TSBP1: variants seen among roughly 807,000 people sequenced by gnomAD.
TSBP1 encodes testis expressed basic protein 1.
In TSBP1, 56 loss-of-function variants were observed where a neutral mutation model predicts 68.8. The observed-to-expected ratio is 0.81, with a 90% CI of 0.66 to 1.02. TSBP1 has a LOEUF of 1.02. Ranked by LOEUF, TSBP1 falls within the 50% of genes least tolerant of loss-of-function variation. The probability of loss-of-function intolerance (pLI) is 0.00; values close to 1 mark genes in which losing one functional copy is unlikely to be tolerated. For missense variants in TSBP1, 502 were observed against 641.2 expected (o/e 0.78, Z 2.34); for synonymous variants, 171 against 208.7 (o/e 0.82, Z 1.56).
intron 10 of TSBP1, 72 bp downstream of exon 11, chr6:32,339,528 G>T: frequency 1.2e-6 from 1 of 826,838 alleles, no homozygotes; most frequent in Non-Finnish European, 2.1e-6. Context: ...AATATCACAT[G>T]TATCCCATAA....
exon 1 of TSBP1, chr6:32,371,855 A>G (rs1264805611): frequency 3.8e-6 from 3 of 798,960 alleles, no homozygotes; most frequent in Non-Finnish European, 6.4e-6. Flanking sequence ...GATGCAGAGG[A>G]TCACTGAGAA....
chr6:32,336,573 A>C lies in TSBP1; in HGVS notation c.430+42T>G. ...CAGGCCCCAAGACCTTGTAGGTCAG[A>C]TATCAAAGGGACCAGAGTGGAAAAA... On this transcript the variant is annotated intron_variant, in intron 12 of 22. Coordinates refer to ENST00000612031, the Ensembl canonical transcript of TSBP1. The surrounding 1 kb of genome is among the most constrained non-coding windows in gnomAD (Gnocchi z 5.2). 6.4e-7 allele frequency: 1 copy of C among 1,559,110 alleles called. No homozygotes were observed. The highest frequency in any genetic ancestry group is 8.8e-7 in the Non-Finnish European group (1 of 1,131,002).
At chr6:32,323,540 G>T in intron 17 of TSBP1, 51 bp downstream of exon 18, 1 of 1,573,184 alleles carries the variant, frequency 6.4e-7, no homozygotes, top group Non-Finnish European at 8.7e-7. Flanking sequence ...AGCCTTGCAG[G>T]GAACAACAAG....
chr6:32,333,280 G>C lies in TSBP1; in HGVS notation c.473-1226C>G, dbSNP rs1350105966. ...TGGTCTTAGCCTCCCAAAGTGCTGG[G>C]ATTACTGCACCCAGCCGAAAGCCTG... On this transcript the variant is annotated intron_variant, in intron 14 of 22. Transcript: ENST00000612031. The surrounding 1 kb of genome is among the most constrained non-coding windows in gnomAD (Gnocchi z 4.2). 6.6e-6 allele frequency among the ~76,000 whole-genome samples: 1 copy of C among 152,070 alleles called. No homozygotes were observed. Among genetic ancestry groups the C allele is most frequent in the Non-Finnish European group, 1.5e-5 (1 of 67,998 alleles).
chr6:32,362,765 T>C (rs554840557), intron 6 of TSBP1, among the ~76,000 whole-genome samples: 2 of 152,344 alleles, frequency 1.3e-5, no homozygotes, highest in East Asian at 3.9e-4. Flanking sequence ...AGTTTTATAG[T>C]GGCAAGTCTT....
chr6:32,315,880 AG>A lies in TSBP1; in HGVS notation c.560-89del. On this transcript the variant is annotated intron_variant, in intron 18 of 22. Transcript: ENST00000612031. This position sits in a 1 kb window ranked among gnomAD's most constrained non-coding sequence, Gnocchi z 5.4. The stretch of plus-strand genomic sequence containing the variant: ...CTAACATATTTTGTTGGAGTCTGTG[AG>A]GGGAGGACTTGTGTGGGCAAAGAAG... 1 of 825,046 alleles carries A rather than the reference AG, an allele frequency of 1.2e-6. No individual in the cohort carries two copies. Among genetic ancestry groups the A allele is most frequent in the South Asian group, 1.8e-5 (1 of 56,554 alleles). 51.1% of individuals were successfully genotyped at this position (825,046 alleles called of 1,614,324 possible).
intron 18 of TSBP1, chr6:32,320,244 G>T (rs755560895): frequency 6.6e-6 from 3 of 456,372 alleles, no homozygotes; most frequent in Non-Finnish European, 1.3e-5. Context: ...CAGCTGTTTT[G>T]ACTTGGAATA....
At chr6:32,293,515 A>T in exon 23 of TSBP1, 1 of 1,611,360 alleles carries the variant, frequency 6.2e-7, no homozygotes, top group Non-Finnish European at 8.5e-7. Context: ...CACCAGACTG[A>T]CTCTTCTTTA....
exon 3 of TSBP1, chr6:32,368,811 A>G: frequency 6.3e-7 from 1 of 1,588,220 alleles, no homozygotes. Flanking sequence ...GGAGATATAC[A>G]TTTCTGTGGA....
chr6:32,294,189 C>T (rs1225982645), intron 22 of TSBP1, 154 bp from the exon 26 acceptor site: 1 of 796,582 alleles, frequency 1.3e-6, no homozygotes, highest in African/African-American at 1.7e-5. Flanking sequence ...GTTCTCTGTA[C>T]ATAAAATTAT....
At chr6:32,347,222 G>A (rs910089511) in intron 9 of TSBP1, among the ~76,000 whole-genome samples, 1 of 150,136 alleles carries the variant, frequency 6.7e-6, no homozygotes, top group Non-Finnish European at 1.5e-5. Context: ...GGAGTGCAGT[G>A]GCGTAATCAC....
intron 1 of TSBP1, 80 bp from the exon 2 acceptor site, chr6:32,370,063 A>G: frequency 3.6e-6 from 3 of 832,204 alleles, no homozygotes; most frequent in East Asian, 2.5e-5. Context: ...ACCTCTTACT[A>G]TCCACCAGAT....
Position 32,315,034 on chromosome 6 carries a change from G to C in TSBP1, c.580+738C>G, listed in dbSNP as rs1032067533. Among the ~76,000 whole-genome samples, 1 of 152,038 alleles carries C rather than the reference G, an allele frequency of 6.6e-6. No homozygotes were observed. On this transcript the variant is annotated intron_variant, in intron 19 of 22. Coordinates refer to ENST00000612031, the Ensembl canonical transcript of TSBP1. The surrounding 1 kb of genome is among the most constrained non-coding windows in gnomAD (Gnocchi z 5.4). ...GTTTTTAACCTTGACAGGAACTTTG[G>C]GTTTTAATATTAATGTGATTTAATT...
chr6:32,355,231 C>T, intron 7 of TSBP1, 87 bp from the exon 8 acceptor site: 1 of 1,370,136 alleles, frequency 7.3e-7, no homozygotes, highest in South Asian at 1.2e-5. Context: ...GCTGTCACCC[C>T]CTTCTCAGGA....
intron 9 of TSBP1, among the ~76,000 whole-genome samples, chr6:32,347,666 T>C (rs1418010939): frequency 1.6e-5 from 2 of 128,292 alleles, no homozygotes; most frequent in Non-Finnish European, 3.5e-5. Flanking sequence ...ATGAAAACAA[T>C]GGCTTATTGT....
chr6:32,326,265 C>T, intron 16 of TSBP1: 1 of 822,054 alleles, frequency 1.2e-6, no homozygotes, highest in Non-Finnish European at 2.0e-6. Context: ...CTCAGCCAAG[C>T]ACAGTGGTGG....
chr6:32,312,132 C>G (rs571653155), intron 19 of TSBP1, among the ~76,000 whole-genome samples: 1 of 152,202 alleles, frequency 6.6e-6, no homozygotes, highest in African/African-American at 2.4e-5. Context: ...TAGGCATGGT[C>G]GAGTTCTTGT....
In TSBP1 at chr6:32,343,916, G is replaced by T. The variant is rs377040282; in HGVS notation, c.350-4278C>A. On this transcript the variant is annotated intron_variant, in intron 9 of 22. Transcript: ENST00000612031. This position sits in a 1 kb window ranked among gnomAD's most constrained non-coding sequence, Gnocchi z 4.3. ...AATTCTAGGGCAAGACTTGTAGAAG[G>T]TTTAATGATATTAACTTTGATAGTA... Among the ~76,000 whole-genome samples the T allele has an allele frequency of 4.1e-4, 63 of 152,048 alleles. No homozygotes were observed. Among genetic ancestry groups the T allele is most frequent in the Middle Eastern group, 6.8e-3 (2 of 294 alleles).
At position 32,335,583 on chromosome 6, in the gene TSBP1, C is replaced by A; in HGVS notation, c.452-126G>T. On this transcript the variant is annotated intron_variant, in intron 13 of 22. Transcript: ENST00000612031. This position sits in a 1 kb window ranked among gnomAD's most constrained non-coding sequence, Gnocchi z 5.5. ...GCATCACTATTGTCAAGTTCAGCTG[C>A]AGTTGAGTAGTAGAAATGGTGACTT... 1.3e-6 allele frequency: 1 copy of A among 790,730 alleles called. No homozygotes were observed. Among genetic ancestry groups the A allele is most frequent in the Non-Finnish European group, 1.8e-6 (1 of 569,702 alleles). The allele number at this position is 790,730 out of a possible 1,614,324, so 49.0% of individuals were successfully genotyped here. A position where few individuals can be genotyped will look rare whatever the true frequency, so the allele number is the denominator to read the frequency against.
Sources: allele counts gnomAD v4.1 joint callset (sites outside exome capture counted in the v4.1 genomes callset), GRCh38; gene constraint gnomAD v4.1.1; non-coding constraint Gnocchi (gnomAD v3.1); transcripts MANE v1.5; gene names NCBI Gene and HGNC (gene_info 2026-07-23, HGNC 2026-07-21).